GRID2: variants seen among roughly 807,000 people sequenced by gnomAD.
The protein encoded by GRID2 is glutamate ionotropic receptor delta type subunit 2.
Under a neutral mutation model 114.8 loss-of-function variants are expected in GRID2, and 33 were observed. The observed-to-expected ratio is 0.29, with a 90% confidence interval of 0.22 to 0.38. GRID2 has a LOEUF of 0.38. Ranked by LOEUF, GRID2 falls within the 10% of genes least tolerant of loss-of-function variation. The pLI is 1.00. For missense variants in GRID2, 1,184 were observed against 1,257.7 expected (o/e 0.94, Z 0.89); for synonymous variants, 505 against 449.9 (o/e 1.12, Z -1.55).
At chr4:92,793,729 CT>C (rs1273603004) in intron 2 of GRID2, among the ~76,000 whole-genome samples, 2 of 151,748 alleles carry the variant, frequency 1.3e-5, no homozygotes, top group African/African-American at 4.8e-5. Flanking sequence ...TCTCTACTTT[CT>C]CTTGGGCATG....
intron 1 of GRID2, among the ~76,000 whole-genome samples, chr4:92,405,328 ATGTT>A (rs1730976122): frequency 6.6e-6 from 1 of 152,222 alleles, no homozygotes; most frequent in African/African-American, 2.4e-5. Flanking sequence ...AAATGTTAAA[ATGTT>A]AGTTATATTT....
rs528172456 is a variant in GRID2, at chr4:92,932,303, C to A, written c.245-152692C>A. Among the ~76,000 whole-genome samples, 42 of 151,174 alleles carry A rather than the reference C, an allele frequency of 2.8e-4. 1 individual carries two copies. The highest frequency in any genetic ancestry group is 4.4e-4 in the Non-Finnish European group (30 of 67,438). On this transcript the variant is annotated intron_variant, in intron 2 of 15. Coordinates refer to ENST00000282020, the MANE Select transcript of GRID2 (RefSeq NM_001510.4). ...TGAAAAATATGCTCAATGCTAATAT[C>A]ATTAGACAAATGCAAATTAAAACCA...
intron 1 of GRID2, among the ~76,000 whole-genome samples, chr4:92,454,649 A>G (rs765073477): frequency 1.1e-4 from 17 of 152,244 alleles, no homozygotes; most frequent in Non-Finnish European, 2.5e-4. Context: ...ATCCTGGCTA[A>G]CACGGTGAAA....
In GRID2 at chr4:93,628,782, T is replaced by TG. The variant is rs373945354; in HGVS notation, c.2360+2348dup. On this transcript the variant is annotated intron_variant, in intron 14 of 15. Coordinates refer to ENST00000282020, the MANE Select transcript of GRID2 (RefSeq NM_001510.4). ...GATTTTCTGGCTTTTTTTTTTTTTT[T>TG]GAGACATTGTTTCGCTCTTGTCACC... Among the ~76,000 whole-genome samples the TG allele has an allele frequency of 1.5e-4, 22 of 147,756 alleles. No individual in the cohort carries two copies. In the East Asian group the frequency reaches 4.3e-3, roughly 29 times the overall value.
intron 2 of GRID2, among the ~76,000 whole-genome samples, chr4:92,783,542 T>C (rs1739181914): frequency 6.6e-6 from 1 of 152,112 alleles, no homozygotes; most frequent in South Asian, 2.1e-4. Context: ...TGTTTTGCTC[T>C]CATTTTAAGT....
intron 1 of GRID2, among the ~76,000 whole-genome samples, chr4:92,524,278 G>T (rs28478019): frequency 0.05 from 7,530 of 151,944 alleles, 638 homozygotes; most frequent in African/African-American, 0.17. Flanking sequence ...TAACATAAAT[G>T]TAATGACTTT....
chr4:93,491,244 G>T (rs147521482), intron 12 of GRID2, among the ~76,000 whole-genome samples: 162 of 151,954 alleles, frequency 1.1e-3, no homozygotes, highest in Non-Finnish European at 1.7e-3. Flanking sequence ...GAGGGGAATA[G>T]CAATCAACAG....
intron 2 of GRID2, among the ~76,000 whole-genome samples, chr4:92,645,879 A>AT (rs984955162): frequency 4.0e-5 from 6 of 151,614 alleles, no homozygotes; most frequent in African/African-American, 1.2e-4. Context: ...CATTGATGGG[A>AT]TTTTTTATTT....
intron 3 of GRID2, among the ~76,000 whole-genome samples, chr4:93,088,982 G>T (rs1008382587): frequency 6.6e-6 from 1 of 152,048 alleles, no homozygotes; most frequent in Non-Finnish European, 1.5e-5. Flanking sequence ...ACTATATCCA[G>T]CCTCTGTTCT....
chr4:93,063,963 A>G (rs981531285), intron 2 of GRID2, among the ~76,000 whole-genome samples: 2 of 151,190 alleles, frequency 1.3e-5, no homozygotes, highest in Admixed American at 6.6e-5. Flanking sequence ...ATGTCCCACA[A>G]TATCAGAAAT....
At chr4:92,769,301 GGTAGCTTTGCCCCT>G (rs1249024316) in intron 2 of GRID2, among the ~76,000 whole-genome samples, 2 of 152,180 alleles carry the variant, frequency 1.3e-5, no homozygotes, top group Non-Finnish European at 2.9e-5. Flanking sequence ...CATGGTCTTA[GGTAGCTTTGCCCCT>G]GTAGCTTTGC....
intron 8 of GRID2, among the ~76,000 whole-genome samples, chr4:93,325,667 T>G (rs1353808774): frequency 6.6e-6 from 1 of 151,808 alleles, no homozygotes; most frequent in Non-Finnish European, 1.5e-5. Context: ...TAAATTTTGA[T>G]AGTATACTAT....
chr4:92,695,892 C>T (rs1447352939), intron 2 of GRID2, among the ~76,000 whole-genome samples: 1 of 152,086 alleles, frequency 6.6e-6, no homozygotes, highest in East Asian at 1.9e-4. Flanking sequence ...ATAAGCCTTA[C>T]TTTTCAGATG....
chr4:93,538,134 A>T (rs1013501312), intron 13 of GRID2, among the ~76,000 whole-genome samples: 1 of 151,802 alleles, frequency 6.6e-6, no homozygotes, highest in East Asian at 1.9e-4. Context: ...AATAAAAAGT[A>T]CCAGGAATCC....
intron 14 of GRID2, among the ~76,000 whole-genome samples, chr4:93,632,667 T>C (rs1304964348): frequency 6.6e-6 from 1 of 152,186 alleles, no homozygotes; most frequent in Non-Finnish European, 1.5e-5. Flanking sequence ...TCCAGCTTTG[T>C]TCTTTTTGCT....
At chr4:92,766,966 A>G (rs1291177233) in intron 2 of GRID2, among the ~76,000 whole-genome samples, 1 of 152,198 alleles carries the variant, frequency 6.6e-6, no homozygotes, top group Admixed American at 6.5e-5. Flanking sequence ...CTGAATGCTA[A>G]TAGTCCCCAA....
chr4:93,471,206 T>A (rs1453055667), intron 11 of GRID2, among the ~76,000 whole-genome samples: 1 of 152,168 alleles, frequency 6.6e-6, no homozygotes, highest in Non-Finnish European at 1.5e-5. Context: ...ACTCTTTTCC[T>A]TCCTTCTTTT....
intron 13 of GRID2, among the ~76,000 whole-genome samples, chr4:93,533,781 A>G (rs1320701587): frequency 6.6e-6 from 1 of 151,878 alleles, no homozygotes; most frequent in Non-Finnish European, 1.5e-5. Flanking sequence ...TTCCTGGATT[A>G]TTGCAATAGC....
rs1560556732 is a variant in GRID2 at position 92,727,036 on chromosome 4, C to G, written c.244+136750C>G. On this transcript the variant is annotated intron_variant, in intron 2 of 15. Coordinates refer to ENST00000282020, the MANE Select transcript of GRID2 (RefSeq NM_001510.4). ...GTAGGAAAACATAGGCTTCAAATCT[C>G]AAATAACATTCTCAGTTATCTAGTT... Among the ~76,000 whole-genome samples, 3 of 151,994 alleles carry G rather than the reference C, an allele frequency of 2.0e-5. No individual in the cohort carries two copies. The South Asian group carries it at 6.2e-4, about 32-fold the overall frequency.
Sources: gnomAD v4.1 joint callset for allele counts (sites outside exome capture counted in the v4.1 genomes callset) on GRCh38, gnomAD v4.1.1 for gene constraint, MANE v1.5 for transcripts, NCBI Gene and HGNC (gene_info 2026-07-23, HGNC 2026-07-21) for gene names.